NTRK2: variants seen among roughly 807,000 people sequenced by gnomAD.
NTRK2 encodes the protein BDNF/NT-3 growth factors receptor.
In NTRK2, 13 loss-of-function variants were observed where a neutral mutation model predicts 94.5. The observed-to-expected ratio is 0.14, with a 90% confidence interval of 0.09 to 0.22. NTRK2 has a LOEUF of 0.22. Among genes scored for constraint, NTRK2 ranks in the 10% least tolerant of loss-of-function variants. NTRK2 has a pLI of 1.00. For missense variants in NTRK2, 639 were observed against 1,071.2 expected, an observed-to-expected ratio of 0.60 and a Z score of 5.63; for synonymous variants, 372 against 407.4, an observed-to-expected ratio of 0.91 and a Z score of 1.05.
intron 12 of NTRK2, among the ~76,000 whole-genome samples, chr9:84,804,559 A>T (rs141015378): frequency 1.2e-3 from 176 of 152,278 alleles, no homozygotes; most frequent in African/African-American, 3.8e-3. Context: ...TGGGTAATGG[A>T]TTTATATCAT....
intron 12 of NTRK2, among the ~76,000 whole-genome samples, chr9:84,854,491 C>A (rs2131920676): frequency 6.6e-6 from 1 of 152,028 alleles, no homozygotes; most frequent in Admixed American, 6.5e-5. Flanking sequence ...TAATAAACAA[C>A]AAATCAATAA....
rs2058861179 is a variant in NTRK2 at position 84,673,906 on chromosome 9, G to T, written c.212+2946G>T. Among the ~76,000 whole-genome samples the T allele has an allele frequency of 2.0e-5, 3 of 152,222 alleles. No homozygotes were observed. The South Asian group carries it at 6.2e-4, about 32-fold the overall frequency. On this transcript the variant is annotated intron_variant, in intron 2 of 18. Coordinates refer to ENST00000277120, the MANE Select transcript of NTRK2 (RefSeq NM_006180.6). ...GTGGCAGCTCCTGTTATTTGGAAATGGTTATACCACAGCAGTGTTAAAATG... is the reference window on the plus strand; with the variant it reads ...GTGGCAGCTCCTGTTATTTGGAAATTGTTATACCACAGCAGTGTTAAAATG...
intron 12 of NTRK2, among the ~76,000 whole-genome samples, chr9:84,780,717 CA>C (rs1470133306): frequency 3.9e-5 from 6 of 152,200 alleles, no homozygotes; most frequent in African/African-American, 1.4e-4. Flanking sequence ...AAGCTACCAT[CA>C]GGGGTAGCGA....
intron 14 of NTRK2, among the ~76,000 whole-genome samples, chr9:84,905,474 A>G (rs17087840): frequency 0.051 from 7,819 of 152,236 alleles, 300 homozygotes; most frequent in African/African-American, 0.11. Context: ...CTTCCAAGCT[A>G]TCTTACAAAC....
chr9:84,752,112 T>A (rs763889574), intron 12 of NTRK2, 27 bp downstream of exon 12: 1 of 1,556,962 alleles, frequency 6.4e-7, no homozygotes, highest in Non-Finnish European at 8.9e-7. Context: ...TTATTTAGCT[T>A]CTTATGTGGA....
chr9:84,975,112 A>C (rs1229927219), intron 17 of NTRK2, among the ~76,000 whole-genome samples: 3 of 152,174 alleles, frequency 2.0e-5, no homozygotes, highest in Non-Finnish European at 4.4e-5. Flanking sequence ...CTGCAGGCAA[A>C]GAATGGCCAC....
intron 12 of NTRK2, among the ~76,000 whole-genome samples, chr9:84,786,750 C>A (rs920164643): frequency 2.6e-5 from 4 of 152,162 alleles, no homozygotes; most frequent in Non-Finnish European, 4.4e-5. Context: ...CAGTGGCCAC[C>A]ACGTGTGTGT....
intron 5 of NTRK2, among the ~76,000 whole-genome samples, chr9:84,710,105 G>A (rs528749511): frequency 1.5e-4 from 23 of 152,158 alleles, no homozygotes; most frequent in Non-Finnish European, 3.1e-4. Flanking sequence ...CAGAAAGCTA[G>A]GGGTGCCAGC....
At chr9:84,882,560 G>A (rs1480917840) in intron 14 of NTRK2, among the ~76,000 whole-genome samples, 2 of 152,146 alleles carry the variant, frequency 1.3e-5, no homozygotes, top group Non-Finnish European at 2.9e-5. Flanking sequence ...AAAGCTGGAG[G>A]ACACCACTGT....
chr9:84,880,656 T>C (rs1021584478), intron 14 of NTRK2, among the ~76,000 whole-genome samples: 11 of 152,234 alleles, frequency 7.2e-5, no homozygotes, highest in African/African-American at 2.7e-4. Flanking sequence ...ATCAAGGAGC[T>C]GATATTCTTG....
chr9:84,839,540 T>TA (rs1564373174), intron 12 of NTRK2, among the ~76,000 whole-genome samples: 1 of 152,222 alleles, frequency 6.6e-6, no homozygotes, highest in African/African-American at 2.4e-5. Flanking sequence ...GGGTCACTCT[T>TA]ACTCTGTAAA....
intron 12 of NTRK2, among the ~76,000 whole-genome samples, chr9:84,775,550 T>C (rs536519969): frequency 2.0e-5 from 3 of 152,324 alleles, no homozygotes; most frequent in Admixed American, 2.0e-4. Context: ...TCTTTTGCTC[T>C]TGGTTCTTTG....
chr9:84,939,733 AG>A (rs2078339728), intron 15 of NTRK2, among the ~76,000 whole-genome samples: 1 of 152,154 alleles, frequency 6.6e-6, no homozygotes, highest in South Asian at 2.1e-4. Flanking sequence ...GCAGAAAAAA[AG>A]AATTTATTGG....
At chr9:84,803,118 A>G (rs2070699010) in intron 12 of NTRK2, among the ~76,000 whole-genome samples, 1 of 152,176 alleles carries the variant, frequency 6.6e-6, no homozygotes, top group African/African-American at 2.4e-5. Context: ...ACAGAGTGCC[A>G]AATGAGTCTG....
At chr9:84,897,520 C>T (rs1350271116) in intron 14 of NTRK2, among the ~76,000 whole-genome samples, 1 of 152,196 alleles carries the variant, frequency 6.6e-6, no homozygotes, top group Non-Finnish European at 1.5e-5. Flanking sequence ...TGCCATAGTT[C>T]GGACTCCTGC....
intron 17 of NTRK2, among the ~76,000 whole-genome samples, chr9:84,972,870 A>G (rs888500299): frequency 6.6e-6 from 1 of 152,214 alleles, no homozygotes; most frequent in African/African-American, 2.4e-5. Context: ...CCAAAAACCC[A>G]TATGAGCAGA....
In NTRK2 at chr9:84,871,806, A is replaced by G. The variant is rs770906953; in HGVS notation, c.1633+4375A>G. The G allele has an allele frequency of 2.5e-6, 4 of 1,613,646 alleles. No homozygotes were observed. The East Asian group carries it at 8.9e-5, about 36-fold the overall frequency. On this transcript the variant is annotated intron_variant, in intron 14 of 18. Coordinates refer to ENST00000277120, the MANE Select transcript of NTRK2 (RefSeq NM_006180.6). The stretch of plus-strand genomic sequence containing the variant: ...TATTGCAGGGCCCAGAGGTTCCCCC[A>G]AGACCGCCTGATAATAATTTGGTAT...
chr9:84,766,193 T>C (rs2066009536), intron 12 of NTRK2, among the ~76,000 whole-genome samples: 1 of 152,098 alleles, frequency 6.6e-6, no homozygotes, highest in African/African-American at 2.4e-5. Flanking sequence ...ACGATGACAC[T>C]GGGGCCAAGA....
intron 9 of NTRK2, among the ~76,000 whole-genome samples, chr9:84,735,495 C>T (rs148641360): frequency 6.6e-6 from 1 of 152,298 alleles, no homozygotes; most frequent in African/African-American, 2.4e-5. Context: ...GGTCAGGCAT[C>T]CATCAAGATG....
Sources: allele counts gnomAD v4.1 joint callset (sites outside exome capture counted in the v4.1 genomes callset), GRCh38; gene constraint gnomAD v4.1.1; transcripts MANE v1.5; gene names NCBI Gene and HGNC (gene_info 2026-07-23, HGNC 2026-07-21).